HHAT: variants seen among roughly 807,000 people sequenced by gnomAD.
HHAT encodes hedgehog acyltransferase.
HHAT carries 47 observed loss-of-function variants against 70.8 expected under a neutral mutation model. The observed-to-expected ratio is 0.66, with a 90% CI of 0.53 to 0.85. The LOEUF is 0.85. Among genes scored for constraint, HHAT ranks in the 40% least tolerant of loss-of-function variants. The probability of loss-of-function intolerance (pLI) is 0.00; values close to 1 mark genes in which losing one functional copy is unlikely to be tolerated. For missense variants in HHAT, 609 were observed against 604.8 expected (o/e 1.01, Z -0.07); for synonymous variants, 228 against 247.6 (o/e 0.92, Z 0.74).
chr1:210,493,224 G>T (rs4348724), intron 8 of HHAT, among the ~76,000 whole-genome samples: 27,583 of 151,858 alleles, frequency 0.18, 3,140 homozygotes, highest in Admixed American at 0.29. Flanking sequence ...AGAATCAATA[G>T]GTTGCACTCA....
At chr1:210,423,612 A>AT (rs1343719624) in intron 7 of HHAT, among the ~76,000 whole-genome samples, 22 of 152,150 alleles carry the variant, frequency 1.4e-4, no homozygotes, top group African/African-American at 5.1e-4. Context: ...TAGAAGTCTT[A>AT]TTTATAAAAC....
At chr1:210,485,771 A>T (rs550385421) in intron 8 of HHAT, among the ~76,000 whole-genome samples, 7 of 152,176 alleles carry the variant, frequency 4.6e-5, no homozygotes, top group African/African-American at 1.7e-4. Flanking sequence ...CACCATAAGA[A>T]CAGTATGGGG....
chr1:210,521,932 G>A lies in HHAT; in HGVS notation c.1043+8744G>A, dbSNP rs368528993. ...TATTCAGTCTTGCAGTTTAGAACCA[G>A]CTAAAACACATGCATGTTCTCTGTC... On this transcript the variant is annotated intron_variant, in intron 9 of 11. Coordinates refer to ENST00000261458, the MANE Select transcript of HHAT (RefSeq NM_018194.6). 7.2e-4 allele frequency among the ~76,000 whole-genome samples: 109 copies of A among 152,282 alleles called. 2 individuals carry two copies. The South Asian group carries it at 0.023, about 32-fold the overall frequency.
intron 10 of HHAT, among the ~76,000 whole-genome samples, chr1:210,605,672 C>T (rs1003196014): frequency 2.6e-5 from 4 of 152,106 alleles, no homozygotes; most frequent in Admixed American, 6.6e-5. Flanking sequence ...AAGTAAGATA[C>T]GTCCATGGCT....
At chr1:210,655,763 C>T (rs1372080626) in intron 11 of HHAT, among the ~76,000 whole-genome samples, 1 of 152,234 alleles carries the variant, frequency 6.6e-6, no homozygotes, top group Admixed American at 6.5e-5. Flanking sequence ...GACGTTTCCA[C>T]AGTTTGCTAG....
intron 9 of HHAT, among the ~76,000 whole-genome samples, chr1:210,563,040 G>T (rs1038689839): frequency 1.1e-4 from 16 of 152,154 alleles, no homozygotes; most frequent in African/African-American, 2.9e-4. Context: ...AACTTGGCTC[G>T]GAGCCTCGCA....
chr1:210,631,096 C>T (rs546400733), intron 11 of HHAT: 94 of 456,686 alleles, frequency 2.1e-4, no homozygotes, highest in African/African-American at 1.8e-3. Context: ...GTACTGGCTA[C>T]CTTTGTTCCC....
intron 8 of HHAT, among the ~76,000 whole-genome samples, chr1:210,479,476 A>G (rs1189904020): frequency 1.3e-5 from 2 of 152,160 alleles, no homozygotes; most frequent in African/African-American, 4.8e-5. Flanking sequence ...GGTTCAGTAG[A>G]TTAGTCGGAG....
chr1:210,339,300 GC>G (rs1476299472), intron 1 of HHAT, among the ~76,000 whole-genome samples: 1 of 152,182 alleles, frequency 6.6e-6, no homozygotes, highest in Non-Finnish European at 1.5e-5. Context: ...GTGAAAGGTA[GC>G]TTTTCAACTA....
At chr1:210,557,993 C>T (rs568627428) in intron 9 of HHAT, among the ~76,000 whole-genome samples, 2 of 152,302 alleles carry the variant, frequency 1.3e-5, no homozygotes, top group East Asian at 3.9e-4. Context: ...GCTTGGCCTT[C>T]AGTGGTATCC....
chr1:210,618,583 C>T (rs917437841), intron 10 of HHAT, among the ~76,000 whole-genome samples: 1 of 152,192 alleles, frequency 6.6e-6, no homozygotes, highest in African/African-American at 2.4e-5. Flanking sequence ...CCATCTGCTC[C>T]TCCAGATGCT....
At chr1:210,635,947 GTGTT>G (rs765699469) in intron 11 of HHAT, among the ~76,000 whole-genome samples, 41 of 152,198 alleles carry the variant, frequency 2.7e-4, no homozygotes, top group Admixed American at 2.0e-3. Context: ...TTTATAGAAA[GTGTT>G]TGTTCTCTGC....
chr1:210,434,004 GA>G (rs1393402655), intron 7 of HHAT, among the ~76,000 whole-genome samples: 1 of 151,928 alleles, frequency 6.6e-6, no homozygotes, highest in African/African-American at 2.4e-5. Context: ...GAACTTTAGA[GA>G]ACACTGATAT....
intron 7 of HHAT, among the ~76,000 whole-genome samples, chr1:210,421,019 G>A (rs1296195247): frequency 2.6e-5 from 4 of 152,096 alleles, no homozygotes; most frequent in Non-Finnish European, 5.9e-5. Context: ...TCTCGGCAGT[G>A]TGTTTCCATT....
chr1:210,458,279 T>C (rs1033315583), intron 7 of HHAT, among the ~76,000 whole-genome samples: 1 of 152,194 alleles, frequency 6.6e-6, no homozygotes, highest in African/African-American at 2.4e-5. Flanking sequence ...AGTGGGATAA[T>C]ATACATGAAA....
At chr1:210,623,723 C>A in intron 11 of HHAT, 53 bp downstream of exon 11, 1 of 1,555,924 alleles carries the variant, frequency 6.4e-7, no homozygotes, top group Non-Finnish European at 8.8e-7. Flanking sequence ...TCCATGTATG[C>A]GGATGGGATC....
intron 4 of HHAT, among the ~76,000 whole-genome samples, chr1:210,392,753 C>G (rs1301880140): frequency 1.3e-5 from 2 of 152,096 alleles, no homozygotes; most frequent in Non-Finnish European, 2.9e-5. Flanking sequence ...ATTTTAATTT[C>G]CATTCTATCC....
At chr1:210,426,450 C>T (rs969564718) in intron 7 of HHAT, among the ~76,000 whole-genome samples, 7 of 152,028 alleles carry the variant, frequency 4.6e-5, no homozygotes, top group African/African-American at 1.7e-4. Flanking sequence ...CAGCATTCGC[C>T]TATTCAGTAT....
At chr1:210,347,200 T>C (rs2086600028) in intron 1 of HHAT, among the ~76,000 whole-genome samples, 1 of 152,220 alleles carries the variant, frequency 6.6e-6, no homozygotes, top group Non-Finnish European at 1.5e-5. Flanking sequence ...ACCACTTCTG[T>C]GAGTTTGACT....
Sources: gnomAD v4.1 joint callset for allele counts (sites outside exome capture counted in the v4.1 genomes callset) on GRCh38, gnomAD v4.1.1 for gene constraint, MANE v1.5 for transcripts, NCBI Gene and HGNC (gene_info 2026-07-23, HGNC 2026-07-21) for gene names.